ASPSCR1: variants seen among roughly 807,000 people sequenced by gnomAD.
The protein encoded by ASPSCR1 is tether containing UBX domain for GLUT4.
In ASPSCR1, 55 loss-of-function variants were observed where a neutral mutation model predicts 68.9. The ratio of observed to expected loss-of-function variants is 0.80; its 90% CI spans 0.64 to 1.00. The LOEUF is 1.00. ASPSCR1 is among the 50% of genes least tolerant of loss of function. The pLI is 0.00. For missense variants in ASPSCR1, 765 were observed against 762.2 expected, an observed-to-expected ratio of 1.00 and a Z score of -0.04; for synonymous variants, 352 against 332.6, an observed-to-expected ratio of 1.06 and a Z score of -0.63.
chr17:81,993,404 G>A (rs60146039), intron 4 of ASPSCR1, among the ~76,000 whole-genome samples: 13 of 152,164 alleles, frequency 8.5e-5, no homozygotes, highest in Middle Eastern at 3.4e-3. Flanking sequence ...TAGTAGAGAC[G>A]GGGTTTCATT....
rs2042976257 is a variant in ASPSCR1, at chr17:82,012,295, C to T, written c.1353+12C>T. The stretch of plus-strand genomic sequence containing the variant: ...AGACCCTCTTTCAGGTACCTGAGGG[C>T]CTCCCTGGGGTGCTGCGGGGCGGGG... On this transcript the variant is annotated intron_variant, in intron 12 of 15. Transcript: ENST00000306739. 4 of 1,612,610 alleles carry T rather than the reference C, an allele frequency of 2.5e-6. No individual in the cohort carries two copies. Among genetic ancestry groups the T allele is most frequent in the Non-Finnish European group, 3.4e-6 (4 of 1,179,488 alleles).
intron 9 of ASPSCR1, chr17:82,009,953 C>T (rs2042864648): frequency 4.1e-6 from 1 of 246,608 alleles, no homozygotes; most frequent in Non-Finnish European, 8.3e-6. Context: ...CTCTGTCGCC[C>T]AGGCTGGAGT....
At chr17:81,995,919 G>A (rs970488347) in intron 5 of ASPSCR1, 73 bp from the exon 6 acceptor site, 24 of 1,467,572 alleles carry the variant, frequency 1.6e-5, no homozygotes, top group East Asian at 4.7e-5. Flanking sequence ...TGGTGGTGCC[G>A]GTGCCCGGAG....
chr17:82,009,320 A>G, intron 8 of ASPSCR1, 129 bp downstream of exon 8: 1 of 1,399,876 alleles, frequency 7.1e-7, no homozygotes, highest in Non-Finnish European at 9.5e-7. Flanking sequence ...TGCCCTTAAC[A>G]GGACCTCAGA....
rs913200237 is a variant in ASPSCR1, at chr17:81,999,105, C to T, written c.933+2259C>T. On this transcript the variant is annotated intron_variant, in intron 7 of 15. Coordinates refer to ENST00000306739, the MANE Select transcript of ASPSCR1 (RefSeq NM_024083.4). This position sits in a 1 kb window ranked among gnomAD's most constrained non-coding sequence, Gnocchi z 4.4. ...TCCTCACCTGCAGAACTAAGGTGTT[C>T]GTGGCATTTATGGGTTTTGTGCCAA... 6.6e-5 allele frequency among the ~76,000 whole-genome samples: 10 copies of T among 152,210 alleles called. No individual in the cohort carries two copies. Among genetic ancestry groups the T allele is most frequent in the African/African-American group, 1.9e-4 (8 of 41,454 alleles).
At chr17:81,985,034 C>T (rs2041939089) in intron 3 of ASPSCR1, among the ~76,000 whole-genome samples, 1 of 121,602 alleles carries the variant, frequency 8.2e-6, no homozygotes, top group South Asian at 2.9e-4. Flanking sequence ...CACCAACATG[C>T]ACACACCTCC....
In ASPSCR1 at chr17:81,987,700, G is replaced by T. The variant is rs2042040707; in HGVS notation, c.374+2093G>T. ...ACTTAGTTTAAGAAACAACAGGCTT[G>T]GCCAGGCGTGGTGGTTCTGGAAGTG... On this transcript the variant is annotated intron_variant, in intron 4 of 15. Transcript: ENST00000306739. This position sits in a 1 kb window ranked among gnomAD's most constrained non-coding sequence, Gnocchi z 5.6. 6.6e-6 allele frequency among the ~76,000 whole-genome samples: 1 copy of T among 152,134 alleles called. No individual in the cohort carries two copies. Among genetic ancestry groups the T allele is most frequent in the East Asian group, 1.9e-4 (1 of 5,188 alleles).
chr17:82,013,419 C>G (rs959530243), intron 12 of ASPSCR1: 1 of 152,262 alleles, frequency 6.6e-6, no homozygotes, highest in Non-Finnish European at 1.5e-5. Flanking sequence ...GCCACCGTCT[C>G]CTGCCCTCCA....
At position 81,979,175 on chromosome 17, in the gene ASPSCR1, C is replaced by A; in HGVS notation, c.103-9C>A. On this transcript the variant is annotated splice_polypyrimidine_tract_variant and intron_variant, in intron 1 of 15. Transcript: ENST00000306739. ...TCAGCAGTTCACCATCCTTTCATCTCACCCCCAGGTTCTGGAGGACACGTG... is the reference window on the plus strand; with the variant it reads ...TCAGCAGTTCACCATCCTTTCATCTAACCCCCAGGTTCTGGAGGACACGTG... 6.2e-7 allele frequency: 1 copy of A among 1,613,978 alleles called. No individual in the cohort carries two copies. Among genetic ancestry groups the A allele is most frequent in the Non-Finnish European group, 8.5e-7 (1 of 1,179,878 alleles).
At chr17:81,984,888 CA>C (rs1288126858) in intron 3 of ASPSCR1, among the ~76,000 whole-genome samples, 6 of 110,734 alleles carry the variant, frequency 5.4e-5, no homozygotes, top group African/African-American at 2.2e-4. Context: ...ACACACCCCC[CA>C]CACACACCCA....
intron 12 of ASPSCR1, among the ~76,000 whole-genome samples, chr17:82,012,544 G>A (rs1391427501): frequency 6.6e-6 from 1 of 152,112 alleles, no homozygotes; most frequent in African/African-American, 2.4e-5. Flanking sequence ...AGGCCGCTTG[G>A]AGGTCTCGGC....
intron 4 of ASPSCR1, among the ~76,000 whole-genome samples, chr17:81,985,836 G>A (rs1270964921): frequency 2.0e-5 from 3 of 152,126 alleles, no homozygotes; most frequent in Non-Finnish European, 2.9e-5. Flanking sequence ...TGGGCCCAGC[G>A]GCCCAGCCTT....
In ASPSCR1 at chr17:81,979,187, C is replaced by A; in HGVS notation, c.106C>A (p.Leu36Met). 1 of 1,614,128 alleles carries A rather than the reference C, an allele frequency of 6.2e-7. No homozygotes were observed. The highest frequency in any genetic ancestry group is 1.7e-5 in the Admixed American group (1 of 60,026). Residue 36 changes from leucine (L) to methionine (M), a missense_variant, in exon 2 of 16, where the codon CTG (leucine) becomes ATG (methionine). Leu to Met is a conservative substitution (Grantham distance 15). Transcript: ENST00000306739. ...CATCCTTTCATCTCACCCCCAGGTT[C>A]TGGAGGACACGTGCCGGCGGCAGGA... ...VTPSTVLLQV[L>M]EDTCRRQDFN...
In ASPSCR1 at chr17:81,990,436, C is replaced by T. The variant is rs1369237852; in HGVS notation, c.375-4385C>T. ...CCCAGCACAGAGGGGTGTGAACAGC[C>T]ACGCCGAGCTCTGGGGGACACTGCT... On this transcript the variant is annotated intron_variant, in intron 4 of 15. Coordinates refer to ENST00000306739, the MANE Select transcript of ASPSCR1 (RefSeq NM_024083.4). This position sits in a 1 kb window ranked among gnomAD's most constrained non-coding sequence, Gnocchi z 4.1. 5.9e-5 allele frequency among the ~76,000 whole-genome samples: 9 copies of T among 152,162 alleles called. No individual in the cohort carries two copies. The highest frequency in any genetic ancestry group is 1.3e-4 in the Non-Finnish European group (9 of 68,044).
chr17:82,017,045 C>CCAT lies in ASPSCR1; in HGVS notation c.1582_1584dup (p.Ile528dup), dbSNP rs1568001962. 6.2e-7 allele frequency: 1 copy of CCAT among 1,611,896 alleles called. No individual in the cohort carries two copies. The highest frequency in any genetic ancestry group is 8.5e-7 in the Non-Finnish European group (1 of 1,179,720). ...GAGGGGGCGCTGGTCCCCCCTGAGC[C>CCAT]CATCCCAGGGACGGCCCAGCCCGTG... On this transcript the variant is annotated inframe_insertion, in exon 15 of 16. Coordinates refer to ENST00000306739, the MANE Select transcript of ASPSCR1 (RefSeq NM_024083.4).
intron 2 of ASPSCR1, among the ~76,000 whole-genome samples, chr17:81,981,258 T>C (rs1055680030): frequency 2.6e-5 from 4 of 152,186 alleles, no homozygotes; most frequent in Non-Finnish European, 5.9e-5. Context: ...TGCAGATGTG[T>C]CTGATCTCCC....
chr17:82,016,903 G>A, intron 14 of ASPSCR1, 34 bp downstream of exon 14: 1 of 1,612,248 alleles, frequency 6.2e-7, no homozygotes, highest in Non-Finnish European at 8.5e-7. Context: ...CACCTCCCGT[G>A]GCGGCACTCA....
rs540853879 is a variant in ASPSCR1 at position 81,977,995 on chromosome 17, C to G, written c.102+247C>G. The G allele has an allele frequency of 1.1e-5, 3 of 270,162 alleles. No individual in the cohort carries two copies. 16.7% of individuals were successfully genotyped at this position (270,162 alleles called of 1,614,324 possible). A position where few individuals can be genotyped will look rare whatever the true frequency, so the allele number is the denominator to read the frequency against. On this transcript the variant is annotated intron_variant, in intron 1 of 15. Coordinates refer to ENST00000306739, the MANE Select transcript of ASPSCR1 (RefSeq NM_024083.4). This position sits in a 1 kb window ranked among gnomAD's most constrained non-coding sequence, Gnocchi z 5.0. The stretch of plus-strand genomic sequence containing the variant: ...TTCCCAGGGGTGAGGTAGAACGGCG[C>G]CGCGTGTCACCCGCATCGAGTACTC...
chr17:81,979,056 G>T (rs952527557), intron 1 of ASPSCR1, 128 bp from the exon 2 acceptor site: 1 of 910,864 alleles, frequency 1.1e-6, no homozygotes, highest in Non-Finnish European at 1.8e-6. Flanking sequence ...GTGTGGTCTT[G>T]TGCTTGGCTT....
Sources: allele counts gnomAD v4.1 joint callset (sites outside exome capture counted in the v4.1 genomes callset), GRCh38; gene constraint gnomAD v4.1.1; non-coding constraint Gnocchi (gnomAD v3.1); transcripts MANE v1.5; gene names NCBI Gene and HGNC (gene_info 2026-07-23, HGNC 2026-07-21).